The following ADAMTSL1 variants were observed in gnomAD, a reference collection of about 807,000 sequenced individuals.
ADAMTSL1 encodes the protein ADAMTS-like protein 1.
ADAMTSL1 carries 126 observed loss-of-function variants against 201.8 expected under a neutral mutation model. The ratio of observed to expected loss-of-function variants is 0.62; its 90% CI spans 0.54 to 0.72. The LOEUF is 0.72. ADAMTSL1 is among the 30% of genes least tolerant of loss of function. ADAMTSL1 has a pLI of 0.00. For missense variants in ADAMTSL1, 2,679 were observed against 2,277.8 expected (o/e 1.18, Z -3.59); for synonymous variants, 1,121 against 903.4 (o/e 1.24, Z -4.32).
At chr9:18,561,276 A>G (rs1821477603) in intron 3 of ADAMTSL1, among the ~76,000 whole-genome samples, 1 of 152,092 alleles carries the variant, frequency 6.6e-6, no homozygotes, top group South Asian at 2.1e-4. Context: ...TTTCTGCCTT[A>G]ATTTCATTAT....
At chr9:18,723,396 T>C (rs774674627) in intron 15 of ADAMTSL1, 14 of 392,136 alleles carry the variant, frequency 3.6e-5, no homozygotes, top group Non-Finnish European at 2.8e-5. Context: ...AGTCAGTGCC[T>C]GGGACTTGCT....
chr9:18,368,146 A>C (rs1162506706), intron 2 of ADAMTSL1, among the ~76,000 whole-genome samples: 1 of 151,512 alleles, frequency 6.6e-6, no homozygotes, highest in Non-Finnish European at 1.5e-5. Flanking sequence ...CCATCTCCTG[A>C]CCTCGTGATC....
At chr9:18,092,975 G>T (rs1466358569) in intron 1 of ADAMTSL1, among the ~76,000 whole-genome samples, 1 of 152,234 alleles carries the variant, frequency 6.6e-6, no homozygotes, top group East Asian at 1.9e-4. Context: ...GAAAATTGGG[G>T]CTCAATCGTA....
intron 26 of ADAMTSL1, among the ~76,000 whole-genome samples, chr9:18,896,902 C>T (rs1167538497): frequency 6.6e-6 from 1 of 152,092 alleles, no homozygotes; most frequent in Non-Finnish European, 1.5e-5. Context: ...CCCCACTTAA[C>T]ATGGCACCTC....
At chr9:17,929,333 G>T (rs1315951231) in intron 1 of ADAMTSL1, among the ~76,000 whole-genome samples, 1 of 151,796 alleles carries the variant, frequency 6.6e-6, no homozygotes, top group African/African-American at 2.4e-5. Flanking sequence ...CCACCCCCAT[G>T]AAATCTTAAC....
At chr9:17,927,074 A>G (rs552754447) in intron 1 of ADAMTSL1, among the ~76,000 whole-genome samples, 4 of 152,228 alleles carry the variant, frequency 2.6e-5, no homozygotes, top group South Asian at 2.1e-4. Context: ...TTCTTCCCCT[A>G]TCCCCTGGCA....
At chr9:18,438,128 A>G (rs1461301924) in intron 2 of ADAMTSL1, among the ~76,000 whole-genome samples, 1 of 152,112 alleles carries the variant, frequency 6.6e-6, no homozygotes, top group Non-Finnish European at 1.5e-5. Flanking sequence ...AACATCAAGC[A>G]GAATCTAAAG....
intron 23 of ADAMTSL1, among the ~76,000 whole-genome samples, chr9:18,867,494 C>A (rs1277774620): frequency 6.6e-6 from 1 of 152,102 alleles, no homozygotes; most frequent in Admixed American, 6.5e-5. Flanking sequence ...ACAAAATAAA[C>A]CTGATGGTAT....
chr9:18,356,432 G>T (rs1038905806), intron 2 of ADAMTSL1, among the ~76,000 whole-genome samples: 1 of 151,356 alleles, frequency 6.6e-6, no homozygotes, highest in Non-Finnish European at 1.5e-5. Flanking sequence ...GGATGCTAAG[G>T]CAGGAAGGTC....
At chr9:18,368,021 C>G (rs1327092879) in intron 2 of ADAMTSL1, among the ~76,000 whole-genome samples, 5 of 151,810 alleles carry the variant, frequency 3.3e-5, no homozygotes, top group South Asian at 4.1e-4. Context: ...TGCCTCAGCC[C>G]CCTGAGTAGC....
At chr9:18,100,385 A>G (rs1432592722) in intron 1 of ADAMTSL1, among the ~76,000 whole-genome samples, 1 of 152,104 alleles carries the variant, frequency 6.6e-6, no homozygotes, top group Non-Finnish European at 1.5e-5. Context: ...GGCTCAAGCA[A>G]TTCTCCTGCC....
At chr9:18,009,502 G>A (rs1007312610) in intron 1 of ADAMTSL1, among the ~76,000 whole-genome samples, 7 of 152,032 alleles carry the variant, frequency 4.6e-5, no homozygotes, top group Non-Finnish European at 8.8e-5. Context: ...TAGGCATTTA[G>A]TTACTCTTTG....
chr9:18,864,788 T>A (rs1367746523), intron 23 of ADAMTSL1, among the ~76,000 whole-genome samples: 2 of 152,184 alleles, frequency 1.3e-5, no homozygotes, highest in African/African-American at 4.8e-5. Context: ...TGTCAATTGG[T>A]GGCACATTAT....
chr9:18,194,287 C>T (rs377469127), intron 2 of ADAMTSL1, among the ~76,000 whole-genome samples: 6 of 152,030 alleles, frequency 3.9e-5, no homozygotes, highest in South Asian at 2.1e-4. Context: ...GAGATTTGAA[C>T]ATATTTACAG....
At chr9:18,784,681 C>T (rs568756885) in intron 19 of ADAMTSL1, among the ~76,000 whole-genome samples, 4 of 152,202 alleles carry the variant, frequency 2.6e-5, no homozygotes, top group Non-Finnish European at 4.4e-5. Flanking sequence ...CGTCTCCCAC[C>T]ACATCCAGGC....
chr9:18,728,617 A>C (rs940630207), intron 15 of ADAMTSL1, among the ~76,000 whole-genome samples: 2 of 152,236 alleles, frequency 1.3e-5, no homozygotes, highest in African/African-American at 4.8e-5. Context: ...TAGGGCAAGC[A>C]TGGAGTTCGG....
At chr9:18,183,402 T>A (rs1828587792) in intron 2 of ADAMTSL1, among the ~76,000 whole-genome samples, 1 of 152,230 alleles carries the variant, frequency 6.6e-6, no homozygotes, top group Non-Finnish European at 1.5e-5. Context: ...TAAAAACTTC[T>A]TCTTTGTAAA....
chr9:18,099,668 C>G (rs143892080), intron 1 of ADAMTSL1, among the ~76,000 whole-genome samples: 6,271 of 140,874 alleles, frequency 0.045, 456 homozygotes, highest in African/African-American at 0.15. Flanking sequence ...GATGGAGTCT[C>G]GCTCTGTTGC....
intron 1 of ADAMTSL1, among the ~76,000 whole-genome samples, chr9:18,083,525 C>G (rs1183485913): frequency 6.6e-6 from 1 of 152,106 alleles, no homozygotes; most frequent in Non-Finnish European, 1.5e-5. Context: ...TTGGCTTGGT[C>G]CAAATGCTGT....
Sources: allele counts gnomAD v4.1 joint callset (sites outside exome capture counted in the v4.1 genomes callset), GRCh38; gene constraint gnomAD v4.1.1; transcripts MANE v1.5; gene names NCBI Gene and HGNC (gene_info 2026-07-23, HGNC 2026-07-21).